The following KCNH8 variants were observed in gnomAD, a reference collection of about 807,000 sequenced individuals.
KCNH8 encodes potassium voltage-gated channel subfamily H member 8.
Under a neutral mutation model 103.6 loss-of-function variants are expected in KCNH8, and 70 were observed. The observed-to-expected ratio is 0.68, with a 90% CI of 0.56 to 0.82. KCNH8 has a LOEUF of 0.82. Ranked by LOEUF, KCNH8 falls within the 40% of genes least tolerant of loss-of-function variation. The pLI is 0.00. For missense variants in KCNH8, 1,217 were observed against 1,329.9 expected (o/e 0.92, Z 1.32); for synonymous variants, 498 against 489.4 (o/e 1.02, Z -0.23).
intron 7 of KCNH8, among the ~76,000 whole-genome samples, chr3:19,402,197 T>C (rs1575021171): frequency 1.3e-5 from 2 of 152,156 alleles, no homozygotes; most frequent in Admixed American, 1.3e-4. Flanking sequence ...AAATTTATTT[T>C]CTATCATAAT....
chr3:19,382,702 C>T (rs139659976), intron 5 of KCNH8, among the ~76,000 whole-genome samples: 2,753 of 152,190 alleles, frequency 0.018, 83 homozygotes, highest in African/African-American at 0.063. Flanking sequence ...ACAACACCTA[C>T]CCAGTGATCC....
chr3:19,533,831 C>A lies in KCNH8; in HGVS notation c.3056C>A (p.Thr1019Lys). The A allele has an allele frequency of 6.2e-7, 1 of 1,614,196 alleles. No homozygotes were observed. Among genetic ancestry groups the A allele is most frequent in the South Asian group, 1.1e-5 (1 of 91,078 alleles). The stretch of plus-strand genomic sequence containing the variant: ...TGCATCTCTCCACATTCAGATTCTA[C>A]GTTGACGCCTCTGCAGTCCATTTCA... ...LRCISPHSDS[T>K]LTPLQSISAT... Residue 1019 changes from threonine (T) to lysine (K), a missense_variant, in exon 16 of 16, where the codon ACG becomes AAG. Physicochemically the swap from Thr to Lys is moderately conservative, Grantham distance 78 (BLOSUM62 -1). Coordinates refer to ENST00000328405, the MANE Select transcript of KCNH8 (RefSeq NM_144633.3).
intron 5 of KCNH8, among the ~76,000 whole-genome samples, chr3:19,374,428 C>A (rs541275122): frequency 3.4e-4 from 52 of 152,000 alleles, no homozygotes; most frequent in African/African-American, 1.2e-3. Flanking sequence ...ACTAGGATTG[C>A]AACCCCTGCC....
intron 5 of KCNH8, among the ~76,000 whole-genome samples, chr3:19,360,353 G>C (rs1282824369): frequency 6.6e-6 from 1 of 152,052 alleles, no homozygotes; most frequent in Non-Finnish European, 1.5e-5. Context: ...CTACACAGTA[G>C]AGAAAAAAGA....
chr3:19,226,623 G>GCACACA lies in KCNH8; in HGVS notation c.77-27015_77-27010dup, dbSNP rs146546353. Among the ~76,000 whole-genome samples, 609 of 145,728 alleles carry GCACACA rather than the reference G, an allele frequency of 4.2e-3. 2 individuals carry two copies. Among genetic ancestry groups the GCACACA allele is most frequent in the African/African-American group, 0.014 (566 of 39,610 alleles). On this transcript the variant is annotated intron_variant, in intron 1 of 15. Transcript: ENST00000328405. ...CTCTGTCACACACACACACATGCAT[G>GCACACA]CACACACACACACACACACACGGGA...
intron 5 of KCNH8, among the ~76,000 whole-genome samples, chr3:19,360,322 G>A (rs1313869496): frequency 6.6e-6 from 1 of 152,100 alleles, no homozygotes; most frequent in African/African-American, 2.4e-5. Flanking sequence ...TGGTGGATGG[G>A]TGGATGTATA....
chr3:19,182,517 C>T (rs902041494), intron 1 of KCNH8, among the ~76,000 whole-genome samples: 9 of 152,102 alleles, frequency 5.9e-5, no homozygotes, highest in African/African-American at 1.9e-4. Flanking sequence ...GGCGACAGAG[C>T]GAGACTCCGT....
At chr3:19,427,778 A>G (rs958024098) in intron 7 of KCNH8, among the ~76,000 whole-genome samples, 2 of 152,186 alleles carry the variant, frequency 1.3e-5, no homozygotes, top group African/African-American at 4.8e-5. Context: ...AAGTGTTCAG[A>G]AAAGTTTTCA....
intron 9 of KCNH8, 147 bp from the exon 10 acceptor site, chr3:19,451,008 G>C: frequency 1.4e-6 from 1 of 733,464 alleles, no homozygotes; most frequent in East Asian, 2.5e-5. Context: ...ATCTCTCCAG[G>C]ATTATACATA....
intron 11 of KCNH8, among the ~76,000 whole-genome samples, chr3:19,490,095 T>C (rs2068286839): frequency 6.6e-6 from 1 of 152,086 alleles, no homozygotes; most frequent in African/African-American, 2.4e-5. Flanking sequence ...TACCCGAGAG[T>C]GCTCTCAGGA....
At position 19,259,752 on chromosome 3, in the gene KCNH8, C is replaced by CATATAT. The variant is rs34904245; in HGVS notation, c.310+5874_310+5879dup. Among the ~76,000 whole-genome samples, 547 of 145,584 alleles carry CATATAT rather than the reference C, an allele frequency of 3.8e-3. 3 individuals are homozygous for CATATAT. Among genetic ancestry groups the CATATAT allele is most frequent in the African/African-American group, 0.013 (520 of 39,996 alleles). On this transcript the variant is annotated intron_variant, in intron 2 of 15. Transcript: ENST00000328405. ...GGATACATACACACATATATATGTA[C>CATATAT]ATATATATATATATGCATATATGTA...
At chr3:19,375,791 A>G (rs1160282715) in intron 5 of KCNH8, among the ~76,000 whole-genome samples, 1 of 151,800 alleles carries the variant, frequency 6.6e-6, no homozygotes, top group South Asian at 2.1e-4. Context: ...TTTGGTGTGG[A>G]TGTCCTTTCT....
chr3:19,260,597 C>T (rs779203878), intron 2 of KCNH8, among the ~76,000 whole-genome samples: 4 of 144,260 alleles, frequency 2.8e-5, no homozygotes, highest in Non-Finnish European at 4.6e-5. Flanking sequence ...TACCCACTTC[C>T]ACCCCTGTGG....
chr3:19,212,038 T>C (rs1448019926), intron 1 of KCNH8, among the ~76,000 whole-genome samples: 1 of 152,122 alleles, frequency 6.6e-6, no homozygotes, highest in African/African-American at 2.4e-5. Flanking sequence ...TGGTTGTGAA[T>C]AGGTCAGAAG....
intron 2 of KCNH8, among the ~76,000 whole-genome samples, chr3:19,276,197 G>T (rs2064668728): frequency 1.3e-5 from 2 of 151,542 alleles, no homozygotes; most frequent in Non-Finnish European, 1.5e-5. Flanking sequence ...GTGTGTGTGT[G>T]TGTGTGTGTG....
In KCNH8 at chr3:19,513,193, GAGTCTC is replaced by G; in HGVS notation, c.2304_2309del (p.Arg768_Val769del). 6.2e-7 allele frequency: 1 copy of G among 1,613,928 alleles called. No individual in the cohort carries two copies. The highest frequency in any genetic ancestry group is 1.1e-5 in the South Asian group (1 of 91,078). On this transcript the variant is annotated inframe_deletion, in exon 13 of 16. Coordinates refer to ENST00000328405, the MANE Select transcript of KCNH8 (RefSeq NM_144633.3). The stretch of plus-strand genomic sequence containing the variant: ...ACGGTGCCCTTTCACTCGCCTATCA[GAGTCTC>G]CAGGTCAAATTCCCCCAAAACCAAG...
chr3:19,150,576 C>T (rs576372810), intron 1 of KCNH8, among the ~76,000 whole-genome samples: 2 of 152,068 alleles, frequency 1.3e-5, no homozygotes, highest in African/African-American at 2.4e-5. Context: ...AAATCATCAG[C>T]GTGGAAATAT....
At chr3:19,420,812 GA>G (rs1261741686) in intron 7 of KCNH8, among the ~76,000 whole-genome samples, 3 of 152,132 alleles carry the variant, frequency 2.0e-5, no homozygotes, top group African/African-American at 4.8e-5. Flanking sequence ...CAGAGAGTTA[GA>G]GATACTTAAA....
chr3:19,376,133 C>T (rs947435970), intron 5 of KCNH8, among the ~76,000 whole-genome samples: 3 of 151,206 alleles, frequency 2.0e-5, no homozygotes, highest in Non-Finnish European at 4.5e-5. Flanking sequence ...CCACCCAGTT[C>T]GAGCGTCCAG....
Sources: allele counts gnomAD v4.1 joint callset (sites outside exome capture counted in the v4.1 genomes callset), GRCh38; gene constraint gnomAD v4.1.1; transcripts MANE v1.5; gene names NCBI Gene and HGNC (gene_info 2026-07-23, HGNC 2026-07-21).